The following GOLGA2 variants were observed in gnomAD, a reference collection of about 807,000 sequenced individuals.
GOLGA2 encodes the protein golgin A2, also known as golgin subfamily A member 2.
Under a neutral mutation model 148.8 loss-of-function variants are expected in GOLGA2, and 49 were observed. That is an observed-to-expected ratio of 0.33 (90% CI 0.26 to 0.42). GOLGA2 has a LOEUF of 0.42. Ranked by LOEUF, GOLGA2 falls within the 10% of genes least tolerant of loss-of-function variation. The pLI is 1.00. For missense variants in GOLGA2, 1,178 were observed against 1,304.6 expected (o/e 0.90, Z 1.49); for synonymous variants, 501 against 511.8 (o/e 0.98, Z 0.28).
At chr9:128,265,484 C>G in intron 12 of GOLGA2, 101 bp downstream of exon 12, 2 of 920,974 alleles carry the variant, frequency 2.2e-6, no homozygotes, top group East Asian at 4.9e-5. Context: ...CCCATGCTGC[C>G]TTCTAGGCAG....
chr9:128,257,948 T>G lies in GOLGA2; in HGVS notation c.2508+32A>C. 222 of 806,436 alleles carry G rather than the reference T, an allele frequency of 2.8e-4. No homozygotes were observed. Among genetic ancestry groups the G allele is most frequent in the Non-Finnish European group, 3.9e-4 (199 of 515,794 alleles). 50.0% of individuals were successfully genotyped at this position (806,436 alleles called of 1,614,324 possible). A position where few individuals can be genotyped will look rare whatever the true frequency, so the allele number is the denominator to read the frequency against. On this transcript the variant is annotated intron_variant, in intron 23 of 26. Transcript: ENST00000611957. This position sits in a 1 kb window ranked among gnomAD's most constrained non-coding sequence, Gnocchi z 8.0. ...GCAGCGACCTGCCCCGCCCCCACCC[T>G]TCTTGACCCATGCCAGGAGAGACTC...
In GOLGA2 at chr9:128,261,248, C is replaced by T; in HGVS notation, c.1344G>A (p.Leu448=). ...TCATGCTACATTCCTTCTCCTCTCT[C>T]AATGTGTGCACCTGCCCAAAGCACA... ...MQQMSEQVHT[L]REEKECSMSR... The change falls in exon 17 of 27, where the codon TTG becomes TTA. Residue 448 remains leucine, a synonymous_variant. Transcript: ENST00000611957. This position sits in a 1 kb window ranked among gnomAD's most constrained non-coding sequence, Gnocchi z 5.7. 6.2e-7 allele frequency: 1 copy of T among 1,613,614 alleles called. No homozygotes were observed. Among genetic ancestry groups the T allele is most frequent in the South Asian group, 1.1e-5 (1 of 91,074 alleles).
chr9:128,268,137 A>G lies in GOLGA2; in HGVS notation c.417T>C (p.Pro139=), dbSNP rs1349666450. 1 of 1,613,524 alleles carries G rather than the reference A, an allele frequency of 6.2e-7. No homozygotes were observed. Among genetic ancestry groups the G allele is most frequent in the Admixed American group, 1.7e-5 (1 of 60,024 alleles). The change falls in exon 5 of 27, where the codon CCT becomes CCC. Residue 139 remains proline, a synonymous_variant. Transcript: ENST00000611957. Reference sequence around the variant, plus strand: ...CTCACTTGGTTTCATCCATGAGATTAGGGACATTGTCAGCATCATGATTCT... The same window carrying G: ...CTCACTTGGTTTCATCCATGAGATTGGGGACATTGTCAGCATCATGATTCT... ...ASQNHDADNV[P]NLMDETKTFS... is the part of the protein sequence containing the mutation.
chr9:128,266,345 G>A lies in GOLGA2; in HGVS notation c.643-20C>T, dbSNP rs768076187. 8 of 1,609,036 alleles carry A rather than the reference G, an allele frequency of 5.0e-6. No individual in the cohort carries two copies. In the Admixed American group the frequency reaches 1.0e-4, roughly 20 times the overall value. ...TTGTTTCTGTGGGGAAGAGTCAAAG[G>A]AAGGTGACTGAGGGTGGCCCCCTCA... On this transcript the variant is annotated intron_variant, in intron 8 of 26. Coordinates refer to ENST00000611957, the MANE Select transcript of GOLGA2 (RefSeq NM_001366244.2). The surrounding 1 kb of genome is among the most constrained non-coding windows in gnomAD (Gnocchi z 4.2).
rs751826198 is a variant in GOLGA2, at chr9:128,267,952, G to A, written c.483C>T (p.Leu161=). 6.2e-7 allele frequency: 1 copy of A among 1,613,354 alleles called. No individual in the cohort carries two copies. The highest frequency in any genetic ancestry group is 8.5e-7 in the Non-Finnish European group (1 of 1,179,562). The part of the protein sequence containing the change: ...TESLRQLSQQ[L]NGLVCESATC... ...GAGGTACCTCACAAACAAGACCATT[G>A]AGCTGTTGGGAGAGTTGTCGCAGGC... Residue 161 remains leucine, a synonymous_variant, in exon 6 of 27, where the codon CTC becomes CTT. Coordinates refer to ENST00000611957, the MANE Select transcript of GOLGA2 (RefSeq NM_001366244.2).
intron 12 of GOLGA2, among the ~76,000 whole-genome samples, chr9:128,264,177 C>T (rs1470707976): frequency 6.7e-6 from 1 of 149,896 alleles, no homozygotes; most frequent in African/African-American, 2.5e-5. Flanking sequence ...AAAAAAAGGA[C>T]TTGGTAAGGG....
At chr9:128,264,747 G>A (rs1830494226) in intron 12 of GOLGA2, among the ~76,000 whole-genome samples, 1 of 152,102 alleles carries the variant, frequency 6.6e-6, no homozygotes, top group African/African-American at 2.4e-5. Context: ...TTTACAGCTG[G>A]CTAACAGAGG....
Position 128,260,113 on chromosome 9 carries a change from C to T in GOLGA2, c.1835G>A (p.Gly612Asp), listed in dbSNP as rs1830159452. 2 of 1,611,176 alleles carry T rather than the reference C, an allele frequency of 1.2e-6. No individual in the cohort carries two copies. Among genetic ancestry groups the T allele is most frequent in the Non-Finnish European group, 1.7e-6 (2 of 1,179,784 alleles). ...HVKRELGKKLGELQEKLSELK... is the reference protein window; with the variant it reads ...HVKRELGKKLDELQEKLSELK... ...CTCGCTCAGCTTCTCCTGCAGCTCGCCCAGCTTCTTTCCCAGCTCCCTCTT... is the reference window on the plus strand; with the variant it reads ...CTCGCTCAGCTTCTCCTGCAGCTCGTCCAGCTTCTTTCCCAGCTCCCTCTT... The change falls in exon 19 of 27, where the codon GGC becomes GAC. Residue 612 changes from glycine to aspartate, a missense_variant. This residue lies in a region of GOLGA2 where 529 missense variants were observed against 521.8 expected (regional missense o/e 1.01). Coordinates refer to ENST00000611957, the MANE Select transcript of GOLGA2 (RefSeq NM_001366244.2). The surrounding 1 kb of genome is among the most constrained non-coding windows in gnomAD (Gnocchi z 4.8).
chr9:128,259,464 G>C, intron 19 of GOLGA2, 73 bp from the exon 20 acceptor site: 1 of 955,592 alleles, frequency 1.0e-6, no homozygotes, highest in Non-Finnish European at 1.6e-6. Flanking sequence ...ATAGGGTAGC[G>C]AGGGCTCTGT....
intron 12 of GOLGA2, among the ~76,000 whole-genome samples, chr9:128,265,002 C>T (rs886178582): frequency 1.3e-5 from 2 of 152,174 alleles, no homozygotes; most frequent in African/African-American, 4.8e-5. Context: ...ATATCTGACT[C>T]TCTAAGCTCA....
intron 6 of GOLGA2, 40 bp from the exon 7 acceptor site, chr9:128,267,557 C>T (rs767137547): frequency 6.9e-7 from 1 of 1,452,060 alleles, no homozygotes; most frequent in Non-Finnish European, 9.7e-7. Flanking sequence ...GTTCTGTCCC[C>T]TCAGTGTCTA....
intron 1 of GOLGA2, 61 bp downstream of exon 1, chr9:128,275,832 G>A: frequency 1.1e-6 from 1 of 880,898 alleles, no homozygotes; most frequent in Middle Eastern, 2.2e-4. Flanking sequence ...CTCTGGCCAT[G>A]GTCCTGCCAT....
Position 128,267,306 on chromosome 9 carries a change from G to A in GOLGA2, c.562-32C>T, listed in dbSNP as rs1187402011. Reference sequence around the variant, plus strand: ...CGCATGCAGAGAGGAGGAGTTGGAGGAGGATTGGGGGGAGAGGTAGAGAGA... The same window carrying A: ...CGCATGCAGAGAGGAGGAGTTGGAGAAGGATTGGGGGGAGAGGTAGAGAGA... On this transcript the variant is annotated intron_variant, in intron 7 of 26. Transcript: ENST00000611957. 2.6e-6 allele frequency: 4 copies of A among 1,513,344 alleles called. No homozygotes were observed. In the African/African-American group the frequency reaches 4.1e-5, roughly 16 times the overall value. The allele number at this position is 1,513,344 out of a possible 1,614,324, so 93.7% of individuals were successfully genotyped here.
At position 128,263,030 on chromosome 9, in the gene GOLGA2, C is replaced by G. The variant is rs761297360; in HGVS notation, c.992+4G>C. The G allele has an allele frequency of 1.3e-6, 2 of 1,599,802 alleles. No homozygotes were observed. ...ACCTCCCATCCCACCATCCCCCATC[C>G]TACGTGTTCTTGTATAACTCCAGCC... On this transcript the variant is annotated splice_donor_region_variant and intron_variant, in intron 13 of 26. Transcript: ENST00000611957.
chr9:128,259,897 A>G (rs1170280708), intron 19 of GOLGA2, among the ~76,000 whole-genome samples, 179 bp downstream of exon 19: 4 of 152,126 alleles, frequency 2.6e-5, no homozygotes, highest in African/African-American at 9.7e-5. Flanking sequence ...ACCTGAGAGG[A>G]GCCCAAAGCT....
chr9:128,267,437 C>T (rs200380181), intron 7 of GOLGA2, 21 bp downstream of exon 7: 5 of 1,604,678 alleles, frequency 3.1e-6, no homozygotes, highest in Non-Finnish European at 3.4e-6. Flanking sequence ...GGTCACTGGG[C>T]CACGGCCCAG....
rs746341663 is a variant in GOLGA2, at chr9:128,257,771, G to C, written c.2611+19C>G. ...ACCGCTGTGCAGCTCCTCCTGCCGT[G>C]CCCTGGCCTCCCACTCACCAATGGT... On this transcript the variant is annotated intron_variant, in intron 24 of 26. Coordinates refer to ENST00000611957, the MANE Select transcript of GOLGA2 (RefSeq NM_001366244.2). This position sits in a 1 kb window ranked among gnomAD's most constrained non-coding sequence, Gnocchi z 8.0. 15 of 1,610,508 alleles carry C rather than the reference G, an allele frequency of 9.3e-6. No homozygotes were observed. The highest frequency in any genetic ancestry group is 1.3e-5 in the Non-Finnish European group (15 of 1,176,698).
chr9:128,273,194 C>T (rs58669385), intron 2 of GOLGA2, among the ~76,000 whole-genome samples: 4,340 of 152,290 alleles, frequency 0.028, 168 homozygotes, highest in African/African-American at 0.099. Flanking sequence ...AACTACAAAC[C>T]TCCACCTCCA....
Position 128,261,846 on chromosome 9 carries a change from G to A in GOLGA2, c.1135-89C>T. On this transcript the variant is annotated intron_variant, in intron 14 of 26. Coordinates refer to ENST00000611957, the MANE Select transcript of GOLGA2 (RefSeq NM_001366244.2). This position sits in a 1 kb window ranked among gnomAD's most constrained non-coding sequence, Gnocchi z 5.7. ...TAAAAGGGCTAGGGCTAGGCTCAAT[G>A]TGCAACTCAGTCAATACAACTCTGC... is the stretch of plus-strand genomic sequence containing the variant. 2.6e-6 allele frequency: 2 copies of A among 762,252 alleles called. No individual in the cohort carries two copies. The highest frequency in any genetic ancestry group is 4.7e-6 in the Non-Finnish European group (2 of 424,600). The allele number at this position is 762,252 out of a possible 1,614,324, so 47.2% of individuals were successfully genotyped here. A position where few individuals can be genotyped will look rare whatever the true frequency, so the allele number is the denominator to read the frequency against.
Sources: allele counts gnomAD v4.1 joint callset (sites outside exome capture counted in the v4.1 genomes callset), GRCh38; gene constraint gnomAD v4.1.1; regional missense constraint gnomAD v4.1.1; non-coding constraint Gnocchi (gnomAD v3.1); transcripts MANE v1.5; gene names NCBI Gene and HGNC (gene_info 2026-07-23, HGNC 2026-07-21).